The following TRPM8 variants were observed in gnomAD, a reference collection of about 807,000 sequenced individuals.
TRPM8 encodes the protein TRPM8 cationic channel.
TRPM8 carries 110 observed loss-of-function variants against 133.7 expected under a neutral mutation model. The ratio of observed to expected loss-of-function variants is 0.82; its 90% CI spans 0.70 to 0.96. TRPM8 has a LOEUF of 0.96. Ranked by LOEUF, TRPM8 falls within the 40% of genes least tolerant of loss-of-function variation. TRPM8 has a pLI of 0.00. For missense variants in TRPM8, 1,291 were observed against 1,379.5 expected (o/e 0.94, Z 1.02); for synonymous variants, 535 against 532.3 (o/e 1.01, Z -0.07).
At chr2:233,996,289 C>T (rs1692399579) in intron 21 of TRPM8, 37 bp from the exon 22 acceptor site, 2 of 1,599,408 alleles carry the variant, frequency 1.3e-6, no homozygotes, top group African/African-American at 1.3e-5. Flanking sequence ...GAGGCATGCG[C>T]AATGCTAAGT....
At chr2:233,956,290 T>C (rs542383375) in intron 11 of TRPM8, among the ~76,000 whole-genome samples, 2 of 152,312 alleles carry the variant, frequency 1.3e-5, no homozygotes, top group Non-Finnish European at 2.9e-5. Flanking sequence ...GCCACATGAG[T>C]ACCTTCAATA....
intron 13 of TRPM8, 54 bp downstream of exon 13, chr2:233,963,431 A>G (rs1295773199): frequency 9.0e-7 from 1 of 1,110,688 alleles, no homozygotes; most frequent in African/African-American, 1.6e-5. Context: ...TTGTTATAAC[A>G]GTTCTGATCC....
intron 15 of TRPM8, among the ~76,000 whole-genome samples, chr2:233,968,603 A>G (rs908034609): frequency 3.3e-4 from 50 of 152,242 alleles, no homozygotes; most frequent in African/African-American, 1.1e-3. Flanking sequence ...CTCCAAGGGC[A>G]GGGCAGGTGC....
chr2:233,924,434 C>T (rs1356186902), intron 1 of TRPM8, among the ~76,000 whole-genome samples: 1 of 152,194 alleles, frequency 6.6e-6, no homozygotes, highest in African/African-American at 2.4e-5. Flanking sequence ...TCTCTTGGAC[C>T]TCAGGCCTTA....
rs539246123 is a variant in TRPM8, at chr2:233,999,145, G to GGGGCA, written c.3130+2651_3130+2655dup. Among the ~76,000 whole-genome samples, 1,183 of 152,042 alleles carry GGGGCA rather than the reference G, an allele frequency of 7.8e-3. 11 individuals are homozygous for GGGGCA. The highest frequency in any genetic ancestry group is 0.02 in the Middle Eastern group (6 of 294). On this transcript the variant is annotated intron_variant, in intron 22 of 25. Transcript: ENST00000324695. ...GCCCATGATTCTGTGGGTCCCTCCT[G>GGGGCA]GGGCAGGGCAGGGCAGGGCAGGGCA... is the stretch of plus-strand genomic sequence containing the variant.
chr2:233,950,031 T>TGGTGGA lies in TRPM8; in HGVS notation c.1034_1039dup (p.Val345_Glu346dup). On this transcript the variant is annotated inframe_insertion, in exon 9 of 26. Transcript: ENST00000324695. Reference sequence around the variant, plus strand: ...CAGATCGCTGATGTGATCGCTAGCCTGGTGGAGGTGGAGGATGCCCTGACA... The same window carrying TGGTGGA: ...CAGATCGCTGATGTGATCGCTAGCCTGGTGGAGGTGGAGGTGGAGGATGCCCTGACA... The TGGTGGA allele has an allele frequency of 6.2e-7, 1 of 1,614,200 alleles. No individual in the cohort carries two copies. The highest frequency in any genetic ancestry group is 8.5e-7 in the Non-Finnish European group (1 of 1,180,038).
At chr2:233,954,904 A>G in intron 10 of TRPM8, 1 of 422,326 alleles carries the variant, frequency 2.4e-6, no homozygotes, top group Non-Finnish European at 4.3e-6. Context: ...TATGCAATGG[A>G]AAAACATTAC....
intron 21 of TRPM8, among the ~76,000 whole-genome samples, chr2:233,987,994 A>G (rs563967982): frequency 6.7e-6 from 1 of 150,012 alleles, no homozygotes; most frequent in South Asian, 2.1e-4. Flanking sequence ...TTTTCTGTAA[A>G]TTGCCCAGTT....
chr2:233,975,788 A>G (rs1300743853), intron 17 of TRPM8, among the ~76,000 whole-genome samples: 1 of 152,236 alleles, frequency 6.6e-6, no homozygotes, highest in African/African-American at 2.4e-5. Flanking sequence ...AGGCTGAGGC[A>G]GTAGAATCGC....
intron 21 of TRPM8, among the ~76,000 whole-genome samples, chr2:233,986,224 A>G (rs1181080760): frequency 1.3e-5 from 2 of 152,210 alleles, no homozygotes; most frequent in African/African-American, 4.8e-5. Context: ...CTTATATGTT[A>G]TGGGGCTCAG....
chr2:234,004,949 G>A (rs1172353930), intron 22 of TRPM8, among the ~76,000 whole-genome samples: 5 of 152,090 alleles, frequency 3.3e-5, no homozygotes, highest in Admixed American at 6.5e-5. Context: ...ATCTTCAATC[G>A]TGGAGTAGTA....
chr2:233,999,247 G>T (rs28902230), intron 22 of TRPM8, among the ~76,000 whole-genome samples: 4,500 of 152,116 alleles, frequency 0.03, 298 homozygotes, highest in African/African-American at 0.1. Flanking sequence ...TGGCTGGTCT[G>T]GACATCCACA....
In TRPM8 at chr2:233,993,587, G is replaced by T. The variant is rs539274322; in HGVS notation, c.2940-2739G>T. ...TGTACAAAAACAGGTGGGGGGCTTG[G>T]CTTGGTCCCAAGTTGCAGTTTTCCA... On this transcript the variant is annotated intron_variant, in intron 21 of 25. Transcript: ENST00000324695. Among the ~76,000 whole-genome samples the T allele has an allele frequency of 5.3e-5, 8 of 152,304 alleles. No homozygotes were observed. The East Asian group carries it at 1.5e-3, about 29-fold the overall frequency.
chr2:233,956,446 C>T (rs987289993), intron 11 of TRPM8, among the ~76,000 whole-genome samples: 1 of 152,174 alleles, frequency 6.6e-6, no homozygotes, highest in Non-Finnish European at 1.5e-5. Context: ...CCCTAGGAGC[C>T]TTGTTCAATG....
At chr2:233,982,004 C>T (rs887024487) in intron 19 of TRPM8, 89 bp downstream of exon 19, 47 of 1,357,426 alleles carry the variant, frequency 3.5e-5, no homozygotes, top group Middle Eastern at 1.9e-4. Context: ...GTCCTTAGAA[C>T]GACTGTTGCA....
intron 24 of TRPM8, among the ~76,000 whole-genome samples, chr2:234,010,009 C>G (rs1156704579): frequency 6.6e-6 from 1 of 152,142 alleles, no homozygotes; most frequent in Non-Finnish European, 1.5e-5. Context: ...TTTAAAATCT[C>G]TCCTCCTGGC....
chr2:234,000,009 C>T (rs557221773), intron 22 of TRPM8, among the ~76,000 whole-genome samples: 74 of 151,108 alleles, frequency 4.9e-4, no homozygotes, highest in African/African-American at 1.7e-3. Context: ...ATTTGAAGAT[C>T]GTGTATGTTT....
intron 24 of TRPM8, among the ~76,000 whole-genome samples, chr2:234,012,470 T>TGA (rs1250862569): frequency 1.7e-4 from 19 of 112,872 alleles, no homozygotes; most frequent in African/African-American, 6.9e-4. Flanking sequence ...TTTTTGTGTG[T>TGA]GTGAGAGTGT....
At chr2:233,973,775 G>GTC (rs1691794606) in intron 17 of TRPM8, among the ~76,000 whole-genome samples, 1 of 152,204 alleles carries the variant, frequency 6.6e-6, no homozygotes, top group South Asian at 2.1e-4. Context: ...AATGGGAATA[G>GTC]TCTGTTTGAG....
Sources: gnomAD v4.1 joint callset for allele counts (sites outside exome capture counted in the v4.1 genomes callset) on GRCh38, gnomAD v4.1.1 for gene constraint, MANE v1.5 for transcripts, NCBI Gene and HGNC (gene_info 2026-07-23, HGNC 2026-07-21) for gene names.